PCDHGB1: variants seen among roughly 807,000 people sequenced by gnomAD.
PCDHGB1 encodes the protein protocadherin gamma subfamily B, 1, also known as protocadherin gamma-B1.
In PCDHGB1, 34 loss-of-function variants were observed where a neutral mutation model predicts 56.6. The ratio of observed to expected loss-of-function variants is 0.60; its 90% CI spans 0.46 to 0.80. The LOEUF (loss-of-function observed/expected upper bound fraction) is 0.80. Among genes scored for constraint, PCDHGB1 ranks in the 30% least tolerant of loss-of-function variants. The probability of loss-of-function intolerance (pLI) is 0.00; values close to 1 mark genes in which losing one functional copy is unlikely to be tolerated. For missense variants in PCDHGB1, 1,278 were observed against 1,204.6 expected, an observed-to-expected ratio of 1.06 and a Z score of -0.90; for synonymous variants, 561 against 505.9, an observed-to-expected ratio of 1.11 and a Z score of -1.46.
At chr5:141,393,370 A>G (rs2092740114) in intron 1 of PCDHGB1, 5 of 1,613,954 alleles carry the variant, frequency 3.1e-6, no homozygotes, top group Non-Finnish European at 2.5e-6. Context: ...CAGACTGGAG[A>G]CAATGGAGCC....
chr5:141,361,684 C>T, intron 1 of PCDHGB1: 1 of 1,613,590 alleles, frequency 6.2e-7, no homozygotes, highest in Non-Finnish European at 8.5e-7. Context: ...GGTGTTCGCG[C>T]AGCGCGCCTT....
chr5:141,395,809 A>T (rs1448942836), intron 1 of PCDHGB1: 1 of 152,108 alleles, frequency 6.6e-6, no homozygotes, highest in Non-Finnish European at 1.5e-5. Flanking sequence ...CCTTCAAAAC[A>T]TGAACAAACT....
chr5:141,476,476 C>A lies in PCDHGB1; in HGVS notation c.2410-18331C>A. On this transcript the variant is annotated intron_variant, in intron 1 of 3. Coordinates refer to ENST00000523390, the MANE Select transcript of PCDHGB1 (RefSeq NM_018922.3). The surrounding 1 kb of genome is among the most constrained non-coding windows in gnomAD (Gnocchi z 7.6). ...TGGAGAACCCGCTGGAGCTGTTCAG[C>A]GTGGAAGTGGTGATCCAGGACATCA... 6.2e-7 allele frequency: 1 copy of A among 1,613,986 alleles called. No individual in the cohort carries two copies. The highest frequency in any genetic ancestry group is 8.5e-7 in the Non-Finnish European group (1 of 1,179,992).
At chr5:141,404,161 ATTG>A in intron 1 of PCDHGB1, 1 of 1,613,152 alleles carries the variant, frequency 6.2e-7, no homozygotes, top group South Asian at 1.1e-5. Context: ...ATTATTACAG[ATTG>A]TTGACGGCCC....
rs201424832 is a variant in PCDHGB1 at position 141,490,802 on chromosome 5, C to T, written c.2410-4005C>T. On this transcript the variant is annotated intron_variant, in intron 1 of 3. Transcript: ENST00000523390. This position sits in a 1 kb window ranked among gnomAD's most constrained non-coding sequence, Gnocchi z 5.4. Reference sequence around the variant, plus strand: ...GATGGACGGATCTTTGCCCAGCGTACCTTTGACTATGAATTGCTGCAGATG... The same window carrying T: ...GATGGACGGATCTTTGCCCAGCGTATCTTTGACTATGAATTGCTGCAGATG... 1 of 1,613,944 alleles carries T rather than the reference C, an allele frequency of 6.2e-7. No homozygotes were observed. Among genetic ancestry groups the T allele is most frequent in the East Asian group, 2.2e-5 (1 of 44,886 alleles).
intron 1 of PCDHGB1, among the ~76,000 whole-genome samples, chr5:141,470,483 G>T (rs1163257164): frequency 6.6e-6 from 1 of 152,112 alleles, no homozygotes; most frequent in African/African-American, 2.4e-5. Context: ...CTAACCCTCT[G>T]GGAATAATAT....
chr5:141,486,444 T>G lies in PCDHGB1; in HGVS notation c.2410-8363T>G. 1 of 1,614,086 alleles carries G rather than the reference T, an allele frequency of 6.2e-7. No homozygotes were observed. Among genetic ancestry groups the G allele is most frequent in the Non-Finnish European group, 8.5e-7 (1 of 1,179,930 alleles). ...GAGGCCAAATCTAGCTATGACATCA[T>G]GGTCACTGCTTCTGATGCTGGGAAC... On this transcript the variant is annotated intron_variant, in intron 1 of 3. Coordinates refer to ENST00000523390, the MANE Select transcript of PCDHGB1 (RefSeq NM_018922.3). The surrounding 1 kb of genome is among the most constrained non-coding windows in gnomAD (Gnocchi z 5.0).
intron 1 of PCDHGB1, among the ~76,000 whole-genome samples, chr5:141,484,281 C>T (rs969039536): frequency 6.6e-6 from 1 of 152,202 alleles, no homozygotes; most frequent in Admixed American, 6.5e-5. Context: ...TGTTTTGAAA[C>T]ATCTCCCTCT....
chr5:141,423,678 G>A (rs1161093615), intron 1 of PCDHGB1: 3 of 1,496,158 alleles, frequency 2.0e-6, no homozygotes, highest in Non-Finnish European at 2.7e-6. Flanking sequence ...TTATTTCTCT[G>A]CCTCCTAATT....
Position 141,423,286 on chromosome 5 carries a change from ACCT to A in PCDHGB1, c.2409+70619_2409+70621del, listed in dbSNP as rs554024395. 8.7e-3 allele frequency: 13,966 copies of A among 1,613,746 alleles called. 98 individuals are homozygous for A. The highest frequency in any genetic ancestry group is 0.011 in the Middle Eastern group (68 of 6,062). ...CCTCGAGTCTCTGGCTAACTCTGAAACCTCAGACCTCTCGCTGTACTTGGTGGT... is the reference window on the plus strand; with the variant it reads ...CCTCGAGTCTCTGGCTAACTCTGAAACAGACCTCTCGCTGTACTTGGTGGT... On this transcript the variant is annotated intron_variant, in intron 1 of 3. Transcript: ENST00000523390.
rs560131895 is a variant in PCDHGB1 at position 141,355,962 on chromosome 5, C to G, written c.2409+3293C>G. 2.5e-6 allele frequency: 4 copies of G among 1,613,898 alleles called. No individual in the cohort carries two copies. Among genetic ancestry groups the G allele is most frequent in the Non-Finnish European group, 3.4e-6 (4 of 1,179,866 alleles). On this transcript the variant is annotated intron_variant, in intron 1 of 3. Coordinates refer to ENST00000523390, the MANE Select transcript of PCDHGB1 (RefSeq NM_018922.3). ...AGTACCACGTAAGTGTTCGTGAGAA[C>G]GTTCCTGTAGGCACTCGGCTACTCA... is the stretch of plus-strand genomic sequence containing the variant.
At chr5:141,433,205 TTTC>T in intron 1 of PCDHGB1, 1 of 1,573,264 alleles carries the variant, frequency 6.4e-7, no homozygotes, top group Non-Finnish European at 8.6e-7. Context: ...TCAAATCTTC[TTTC>T]TTTTTTTTTT....
chr5:141,422,066 A>G, intron 1 of PCDHGB1: 1 of 1,612,154 alleles, frequency 6.2e-7, no homozygotes. Context: ...GAAGTAATGT[A>G]TTCATTTCGG....
At chr5:141,430,575 A>G in intron 1 of PCDHGB1, 2 of 455,822 alleles carry the variant, frequency 4.4e-6, no homozygotes, top group East Asian at 3.5e-5. Flanking sequence ...AAAAGCGGAG[A>G]TCCTGCTCGC....
At chr5:141,416,387 A>T (rs1229066765) in intron 1 of PCDHGB1, 1 of 152,190 alleles carries the variant, frequency 6.6e-6, no homozygotes, top group Admixed American at 6.5e-5. Context: ...AATATTTGGG[A>T]TTCTGCTTTT....
At position 141,350,389 on chromosome 5, in the gene PCDHGB1, A is replaced by T. The variant is rs531444632; in HGVS notation, c.129A>T (p.Ser43=). 6.3e-7 allele frequency: 1 copy of T among 1,596,640 alleles called. No homozygotes were observed. Among genetic ancestry groups the T allele is most frequent in the South Asian group, 1.1e-5 (1 of 88,732 alleles). ...YTIPEELANG[S]RVGKLAKDLG... is the part of the protein sequence containing the mutation. Reference sequence around the variant, plus strand: ...TTCCAGAGGAGCTAGCCAACGGCTCACGGGTGGGGAAACTTGCCAAGGATC... The same window carrying T: ...TTCCAGAGGAGCTAGCCAACGGCTCTCGGGTGGGGAAACTTGCCAAGGATC... Residue 43 remains serine (S), a synonymous_variant, in exon 1 of 4, where the codon TCA becomes TCT. Coordinates refer to ENST00000523390, the MANE Select transcript of PCDHGB1 (RefSeq NM_018922.3).
At chr5:141,422,989 C>T (rs777558098) in intron 1 of PCDHGB1, 1 of 1,614,232 alleles carries the variant, frequency 6.2e-7, no homozygotes, top group African/African-American at 1.3e-5. Flanking sequence ...ACCTGGCTAC[C>T]TGGTGACCAA....
intron 1 of PCDHGB1, among the ~76,000 whole-genome samples, chr5:141,492,080 G>A (rs576661909): frequency 6.6e-6 from 1 of 152,352 alleles, no homozygotes; most frequent in African/African-American, 2.4e-5. Context: ...GCCGGCTCCG[G>A]CACGCTTCGC....
chr5:141,393,393 C>G (rs1244010216), intron 1 of PCDHGB1: 2 of 1,613,900 alleles, frequency 1.2e-6, no homozygotes, highest in African/African-American at 1.3e-5. Context: ...AAACCCAGAG[C>G]TGGTGCTGGA....
Sources: allele counts gnomAD v4.1 joint callset (sites outside exome capture counted in the v4.1 genomes callset), GRCh38; gene constraint gnomAD v4.1.1; non-coding constraint Gnocchi (gnomAD v3.1); transcripts MANE v1.5; gene names NCBI Gene and HGNC (gene_info 2026-07-23, HGNC 2026-07-21).